Variants in PTPRD observed in about 807,000 individuals in gnomAD.
PTPRD encodes receptor-type tyrosine-protein phosphatase delta.
Under a neutral mutation model 214.5 loss-of-function variants are expected in PTPRD, and 34 were observed. That is an observed-to-expected ratio of 0.16 (90% confidence interval 0.12 to 0.21). The LOEUF is 0.21. Among genes scored for constraint, PTPRD ranks in the 10% least tolerant of loss-of-function variants. The pLI, the probability that PTPRD is intolerant of heterozygous loss-of-function variation, is 1.00. For synonymous variants in PTPRD, 1,128 were observed against 845.7 expected, an observed-to-expected ratio of 1.33 and a Z score of -5.79; for missense variants, 2,545 against 2,398.7, an observed-to-expected ratio of 1.06 and a Z score of -1.27.
chr9:8,500,557 TGAA>T (rs2097373670), intron 24 of PTPRD, among the ~76,000 whole-genome samples, 194 bp downstream of exon 24: 1 of 4,348 alleles, frequency 2.3e-4, no homozygotes, highest in Non-Finnish European at 4.6e-4. Context: ...TTGAAAAAAA[TGAA>T]AAAAAAAAAA....
intron 36 of PTPRD, among the ~76,000 whole-genome samples, chr9:8,391,224 G>T (rs2089432394): frequency 1.3e-5 from 2 of 151,980 alleles, no homozygotes; most frequent in Admixed American, 1.3e-4. Flanking sequence ...GACTTTGACT[G>T]CTTTTCTGAT....
chr9:8,803,197 A>G (rs2096606552), intron 11 of PTPRD, among the ~76,000 whole-genome samples: 1 of 152,198 alleles, frequency 6.6e-6, no homozygotes, highest in Admixed American at 6.5e-5. Flanking sequence ...TATTATTTTT[A>G]TTTATGAATG....
chr9:9,244,005 G>T (rs1047944479), intron 9 of PTPRD, among the ~76,000 whole-genome samples: 48 of 151,844 alleles, frequency 3.2e-4, no homozygotes, highest in Non-Finnish European at 1.3e-4. Context: ...AACAGACAGA[G>T]AGCCAAATCA....
chr9:8,598,077 G>T (rs1051269887), intron 14 of PTPRD, among the ~76,000 whole-genome samples: 2 of 152,084 alleles, frequency 1.3e-5, no homozygotes, highest in Admixed American at 6.6e-5. Flanking sequence ...AATATGCATG[G>T]AGAAAAGCCT....
rs66705572 is a variant in PTPRD, at chr9:10,466,623, C to CAAAA, written c.-599-125610_-599-125607dup. Among the ~76,000 whole-genome samples, 349 of 76,858 alleles carry CAAAA rather than the reference C, an allele frequency of 4.5e-3. 2 individuals carry two copies. The highest frequency in any genetic ancestry group is 0.015 in the Middle Eastern group (1 of 66). 50.4% of individuals were successfully genotyped at this position (76,858 alleles called of 152,430 possible). A position where few individuals can be genotyped will look rare whatever the true frequency, so the allele number is the denominator to read the frequency against. ...GGGCAACAAGAGCGAAACTCCAACT[C>CAAAA]AAAAAAAAAAAAAAAAAAAAAAAAA... On this transcript the variant is annotated intron_variant, in intron 2 of 45. Coordinates refer to ENST00000381196, the MANE Select transcript of PTPRD (RefSeq NM_002839.4).
intron 39 of PTPRD, among the ~76,000 whole-genome samples, chr9:8,365,566 G>C (rs879552471): frequency 4.6e-5 from 7 of 152,130 alleles, no homozygotes; most frequent in Non-Finnish European, 5.9e-5. Context: ...TGAGCATGGA[G>C]AGCAGAGTTC....
chr9:8,966,230 T>C (rs2099193588), intron 11 of PTPRD, among the ~76,000 whole-genome samples: 1 of 152,058 alleles, frequency 6.6e-6, no homozygotes, highest in African/African-American at 2.4e-5. Context: ...ACATCATTTT[T>C]CACATAATTG....
At chr9:8,910,109 G>T (rs2098737028) in intron 11 of PTPRD, among the ~76,000 whole-genome samples, 1 of 151,932 alleles carries the variant, frequency 6.6e-6, no homozygotes, top group African/African-American at 2.4e-5. Flanking sequence ...CTCAATCTCG[G>T]CTCACTGCAA....
intron 11 of PTPRD, among the ~76,000 whole-genome samples, chr9:8,763,868 C>T (rs1352636975): frequency 6.6e-6 from 1 of 152,062 alleles, no homozygotes; most frequent in African/African-American, 2.4e-5. Flanking sequence ...AATGTATTTC[C>T]TTTTTAAAAA....
intron 2 of PTPRD, among the ~76,000 whole-genome samples, chr9:10,537,280 C>T (rs145157846): frequency 6.0e-4 from 92 of 152,276 alleles, no homozygotes; most frequent in African/African-American, 2.1e-3. Flanking sequence ...TCTTACAACT[C>T]AGCCTTCTTC....
chr9:9,822,969 C>T (rs1389831363), intron 5 of PTPRD, among the ~76,000 whole-genome samples: 2 of 152,064 alleles, frequency 1.3e-5, no homozygotes, highest in East Asian at 3.9e-4. Flanking sequence ...CCATTGCATT[C>T]TTATCCAAAA....
intron 3 of PTPRD, among the ~76,000 whole-genome samples, chr9:10,312,909 G>A (rs1400411210): frequency 2.0e-5 from 3 of 151,638 alleles, no homozygotes; most frequent in East Asian, 3.9e-4. Context: ...TGTGAAGAAC[G>A]AACACATTCT....
Position 9,129,098 on chromosome 9 carries a change from T to G in PTPRD, c.-143+54206A>C, listed in dbSNP as rs12551643. The stretch of plus-strand genomic sequence containing the variant: ...AGTCCTAACACAAGGCTTTATCTAA[T>G]AACGAATTAGGCCGGGCGCAGTGGC... On this transcript the variant is annotated intron_variant, in intron 10 of 45. Transcript: ENST00000381196. 3.9e-4 allele frequency among the ~76,000 whole-genome samples: 60 copies of G among 152,272 alleles called. 2 individuals carry two copies. The highest frequency in any genetic ancestry group is 1.4e-3 in the African/African-American group (60 of 41,572).
chr9:8,699,862 AAG>A (rs1490624243), intron 12 of PTPRD, among the ~76,000 whole-genome samples: 3 of 152,210 alleles, frequency 2.0e-5, no homozygotes, highest in African/African-American at 7.2e-5. Context: ...AAAGCCTAGC[AAG>A]AGTTTCCCAT....
At chr9:9,680,072 G>A (rs947295438) in intron 7 of PTPRD, among the ~76,000 whole-genome samples, 2 of 151,752 alleles carry the variant, frequency 1.3e-5, no homozygotes, top group African/African-American at 4.8e-5. Flanking sequence ...TGGTATCAGG[G>A]AAACAATGAA....
At chr9:8,760,075 C>T (rs572668119) in intron 11 of PTPRD, among the ~76,000 whole-genome samples, 14 of 152,246 alleles carry the variant, frequency 9.2e-5, no homozygotes, top group South Asian at 6.2e-4. Flanking sequence ...GGATTACAGG[C>T]GTGCGCCACA....
chr9:9,023,674 T>A (rs1204091347), intron 10 of PTPRD, among the ~76,000 whole-genome samples: 4 of 151,970 alleles, frequency 2.6e-5, no homozygotes, highest in Non-Finnish European at 5.9e-5. Context: ...CTCCCCCGTC[T>A]AATAATCCAC....
chr9:10,598,447 C>T (rs2077109931), intron 2 of PTPRD, among the ~76,000 whole-genome samples: 1 of 151,598 alleles, frequency 6.6e-6, no homozygotes, highest in Admixed American at 6.6e-5. Context: ...TTTTAGAAAC[C>T]TTCTATAAAA....
chr9:9,357,566 T>G (rs1325764485), intron 9 of PTPRD, among the ~76,000 whole-genome samples: 1 of 151,224 alleles, frequency 6.6e-6, no homozygotes, highest in Non-Finnish European at 1.5e-5. Flanking sequence ...CTAATGATTT[T>G]AAAAGACCAT....
Sources: gnomAD v4.1 joint callset for allele counts (sites outside exome capture counted in the v4.1 genomes callset) on GRCh38, gnomAD v4.1.1 for gene constraint, MANE v1.5 for transcripts, NCBI Gene and HGNC (gene_info 2026-07-23, HGNC 2026-07-21) for gene names.